CDC42: variants seen among roughly 807,000 people sequenced by gnomAD.
CDC42 encodes cell division control protein 42 homolog.
A neutral mutation model predicts 20.8 loss-of-function variants in CDC42; 1 was observed. That is an observed-to-expected ratio of 0.05 (90% confidence interval 0.02 to 0.23). The LOEUF (loss-of-function observed/expected upper bound fraction) is 0.23, where lower values mean the gene tolerates loss of function less well. Among genes scored for constraint, CDC42 ranks in the 10% least tolerant of loss-of-function variants. The pLI, the probability that CDC42 is intolerant of heterozygous loss-of-function variation, is 1.00. For missense variants in CDC42, 49 were observed against 227.9 expected (o/e 0.21, Z 5.05); for synonymous variants, 72 against 84.8 (o/e 0.85, Z 0.83).
chr1:22,088,134 C>G (rs913246245), intron 5 of CDC42, among the ~76,000 whole-genome samples: 4 of 152,134 alleles, frequency 2.6e-5, no homozygotes, highest in Admixed American at 2.0e-4. Flanking sequence ...TAAAAAATGC[C>G]TGGTGCTTCT....
intron 3 of CDC42, among the ~76,000 whole-genome samples, chr1:22,083,843 C>G (rs1033882980): frequency 4.6e-5 from 7 of 152,110 alleles, no homozygotes; most frequent in Non-Finnish European, 1.0e-4. Flanking sequence ...CACTGATCTG[C>G]TTTCTTTGTT....
rs17837994 is a variant in CDC42, at chr1:22,093,505, A to T, written c.*1988A>T. The stretch of plus-strand genomic sequence containing the variant: ...AGAAAGGTTTATTTACCTTTAGGAC[A>T]TTATACTGATCTGCATGAGAATCTT... On this transcript the variant is annotated 3_prime_UTR_variant, in exon 6 of 6. Transcript: ENST00000656825. Among the ~76,000 whole-genome samples, 10 of 152,342 alleles carry T rather than the reference A, an allele frequency of 6.6e-5. No homozygotes were observed. The East Asian group carries it at 1.9e-3, about 29-fold the overall frequency.
Position 22,086,749 on chromosome 1 carries a change from C to G in CDC42, c.369C>G (p.Pro123=), listed in dbSNP as rs1317599160. 1 of 1,614,002 alleles carries G rather than the reference C, an allele frequency of 6.2e-7. No individual in the cohort carries two copies. Among genetic ancestry groups the G allele is most frequent in the South Asian group, 1.1e-5 (1 of 91,078 alleles). ...CTCAAATTGATCTCAGAGATGACCC[C>G]TCTACTATTGAGAAACTTGCCAAGA... ...VGTQIDLRDD[P]STIEKLAKNK... is the part of the protein sequence containing the mutation. The change falls in exon 5 of 6, where the codon CCC becomes CCG. Residue 123 remains proline, a synonymous_variant. Transcript: ENST00000656825.
At chr1:22,075,787 AG>A (rs1645543009) in intron 1 of CDC42, among the ~76,000 whole-genome samples, 1 of 152,234 alleles carries the variant, frequency 6.6e-6, no homozygotes, top group Non-Finnish European at 1.5e-5. Flanking sequence ...GAGGTTGAAT[AG>A]CTAGAGTGTG....
At position 22,090,716 on chromosome 1, in the gene CDC42, A is replaced by G. The variant is rs774372233; in HGVS notation, c.487-712A>G. ...TGAGATGTAAAGCTGCCACCTTTAT[A>G]TTTTCCTGCTTCTGATTTTATTGTG... is the stretch of plus-strand genomic sequence containing the variant. On this transcript the variant is annotated intron_variant, in intron 5 of 5. Transcript: ENST00000656825. 591 of 985,058 alleles carry G rather than the reference A, an allele frequency of 6.0e-4. 1 individual carries two copies. The highest frequency in any genetic ancestry group is 6.5e-4 in the Non-Finnish European group (541 of 829,782). The allele number at this position is 985,058 out of a possible 1,614,324, so 61.0% of individuals were successfully genotyped here.
intron 2 of CDC42, among the ~76,000 whole-genome samples, chr1:22,080,482 A>G (rs998839124): frequency 4.6e-5 from 7 of 152,234 alleles, no homozygotes; most frequent in African/African-American, 1.2e-4. Context: ...CTGTTAAAAC[A>G]TAAGTCAGAA....
chr1:22,086,374 T>G, intron 3 of CDC42, 65 bp from the exon 4 acceptor site: 3 of 1,069,908 alleles, frequency 2.8e-6, no homozygotes, highest in Non-Finnish European at 4.2e-6. Context: ...CCAGCATGCT[T>G]TTAACACTTT....
chr1:22,061,736 G>A (rs981971765), intron 1 of CDC42, among the ~76,000 whole-genome samples: 1 of 150,552 alleles, frequency 6.6e-6, no homozygotes, highest in Non-Finnish European at 1.5e-5. Context: ...TGGAGATGTT[G>A]GCCATCTCCA....
chr1:22,070,793 TGCTA>T (rs149849736), intron 1 of CDC42, among the ~76,000 whole-genome samples: 3,318 of 151,804 alleles, frequency 0.022, 115 homozygotes, highest in African/African-American at 0.074. Flanking sequence ...AGTTGTAAGT[TGCTA>T]GCCTATCAGG....
intron 1 of CDC42, among the ~76,000 whole-genome samples, chr1:22,072,647 CT>C (rs1645505153): frequency 6.6e-6 from 1 of 152,126 alleles, no homozygotes; most frequent in Admixed American, 6.5e-5. Context: ...CCTCTAGTCA[CT>C]TTGCCTTTCT....
intron 1 of CDC42, among the ~76,000 whole-genome samples, chr1:22,053,719 T>C (rs2152824780): frequency 6.6e-6 from 1 of 152,312 alleles, no homozygotes; most frequent in South Asian, 2.1e-4. Flanking sequence ...CCTTAGTCGG[T>C]CACCCAGTGG....
In CDC42 at chr1:22,094,279, A is replaced by C. The variant is rs1304972404; in HGVS notation, c.*2762A>C. ...TTGCTATTTATAAGTGTTTTACTGA[A>C]CATCCTAGAAATAGATTTTTTTTTT... On this transcript the variant is annotated 3_prime_UTR_variant, in exon 6 of 6. Transcript: ENST00000656825. 2.1e-5 allele frequency among the ~76,000 whole-genome samples: 3 copies of C among 144,970 alleles called. No homozygotes were observed. Among genetic ancestry groups the C allele is most frequent in the Admixed American group, 7.0e-5 (1 of 14,292 alleles).
At chr1:22,054,795 A>G (rs1645277131) in intron 1 of CDC42, among the ~76,000 whole-genome samples, 1 of 150,614 alleles carries the variant, frequency 6.6e-6, no homozygotes, top group Admixed American at 6.7e-5. Flanking sequence ...ATTGGAACAC[A>G]TCTGCCTTAT....
Position 22,094,547 on chromosome 1 carries a change from T to A in CDC42, c.*3030T>A, listed in dbSNP as rs1332672200. ...CTCCTGACCTCGTGATCCGCCCGCC[T>A]CGGCCTCCCAAAGTGCTGGGATTAC... On this transcript the variant is annotated 3_prime_UTR_variant, in exon 6 of 6. Coordinates refer to ENST00000656825, the MANE Select transcript of CDC42 (RefSeq NM_001791.4). Among the ~76,000 whole-genome samples the A allele has an allele frequency of 6.6e-6, 1 of 151,534 alleles. No homozygotes were observed.
chr1:22,082,544 G>A (rs912818993), intron 3 of CDC42, among the ~76,000 whole-genome samples: 1 of 152,142 alleles, frequency 6.6e-6, no homozygotes, highest in Non-Finnish European at 1.5e-5. Context: ...AGCTCAGTTA[G>A]CCAGAGGAAA....
intron 2 of CDC42, among the ~76,000 whole-genome samples, chr1:22,080,074 G>T (rs1310841753): frequency 6.6e-6 from 1 of 152,164 alleles, no homozygotes; most frequent in Non-Finnish European, 1.5e-5. Flanking sequence ...GTTGGGGCTT[G>T]CCATTTCTAG....
At chr1:22,070,815 C>T (rs1645481710) in intron 1 of CDC42, among the ~76,000 whole-genome samples, 1 of 151,776 alleles carries the variant, frequency 6.6e-6, no homozygotes, top group Non-Finnish European at 1.5e-5. Flanking sequence ...AGGACAAATA[C>T]AAAACGTGAG....
chr1:22,062,880 C>T (rs1645382404), intron 1 of CDC42, among the ~76,000 whole-genome samples: 1 of 151,864 alleles, frequency 6.6e-6, no homozygotes, highest in South Asian at 2.1e-4. Flanking sequence ...ACCTGATGAC[C>T]TATTCTCTAT....
At chr1:22,086,249 T>C (rs897876295) in intron 3 of CDC42, among the ~76,000 whole-genome samples, 190 bp from the exon 4 acceptor site, 3 of 152,250 alleles carry the variant, frequency 2.0e-5, no homozygotes, top group Non-Finnish European at 2.9e-5. Context: ...AGTAAATTCA[T>C]TGCTGTTCTG....
Sources: gnomAD v4.1 joint callset for allele counts (sites outside exome capture counted in the v4.1 genomes callset) on GRCh38, gnomAD v4.1.1 for gene constraint, MANE v1.5 for transcripts, NCBI Gene and HGNC (gene_info 2026-07-23, HGNC 2026-07-21) for gene names.